Variants in ZNF496 observed in about 807,000 individuals in gnomAD.
ZNF496 encodes NSD1 (nuclear receptor binding SET-domain containing 1)-interacting zinc finger protein 1.
Under a neutral mutation model 58.9 loss-of-function variants are expected in ZNF496, and 11 were observed. The ratio of observed to expected loss-of-function variants is 0.19; its 90% CI spans 0.12 to 0.31. The LOEUF is 0.31. Ranked by LOEUF, ZNF496 falls within the 10% of genes least tolerant of loss-of-function variation. The pLI is 1.00. For synonymous variants in ZNF496, 338 were observed against 318.2 expected (o/e 1.06, Z -0.66); for missense variants, 660 against 783.0 (o/e 0.84, Z 1.88).
chr1:247,306,861 C>G (rs940610757), intron 9 of ZNF496, among the ~76,000 whole-genome samples: 1 of 152,180 alleles, frequency 6.6e-6, no homozygotes, highest in East Asian at 1.9e-4. Context: ...GGGCAAGTGA[C>G]TTCAGCTCTC....
At position 247,308,890 on chromosome 1, in the gene ZNF496, T is replaced by G; in HGVS notation, c.893-302A>C. The G allele has an allele frequency of 2.7e-6, 1 of 373,416 alleles. No individual in the cohort carries two copies. Among genetic ancestry groups the G allele is most frequent in the East Asian group, 6.4e-5 (1 of 15,646 alleles). The allele number at this position is 373,416 out of a possible 1,614,324, so 23.1% of individuals were successfully genotyped here. On this transcript the variant is annotated intron_variant, in intron 8 of 9. Coordinates refer to ENST00000682384, the MANE Select transcript of ZNF496 (RefSeq NM_032752.3). The surrounding 1 kb of genome is among the most constrained non-coding windows in gnomAD (Gnocchi z 4.5). ...CCCCAGCCCCATATTTATTCCCACT[T>G]TCTGTGGTGGGTTTTCTATAGTCAT...
rs144919261 is a variant in ZNF496 at position 247,313,740 on chromosome 1, A to T, written c.652-3284T>A. The T allele has an allele frequency of 2.0e-5, 3 of 152,262 alleles. No homozygotes were observed. The East Asian group carries it at 5.8e-4, about 29-fold the overall frequency. The allele number at this position is 152,262 out of a possible 1,614,324, so 9.4% of individuals were successfully genotyped here. A position where few individuals can be genotyped will look rare whatever the true frequency, so the allele number is the denominator to read the frequency against. ...AGCATTGATCTAATAAATACTGAAA[A>T]CCTTGACACACATCAAGAAGACAGC... is the stretch of plus-strand genomic sequence containing the variant. On this transcript the variant is annotated intron_variant, in intron 6 of 9. Transcript: ENST00000682384.
At position 247,310,360 on chromosome 1, in the gene ZNF496, T is replaced by C; in HGVS notation, c.748A>G (p.Ile250Val). The change falls in exon 7 of 10, where the codon ATC becomes GTC. Residue 250 changes from isoleucine to valine, a missense_variant. Physicochemically the swap from Ile to Val is conservative, Grantham distance 29 (BLOSUM62 3). Transcript: ENST00000682384. ...PAQTGFYGEF[I>V]IGEDYGVSMP... ...GAGACCCCGTAATCCTCCCCAATGA[T>C]GAACTCTCCATAGAAGCCAGTCTGG... The C allele has an allele frequency of 6.2e-7, 1 of 1,614,148 alleles. No individual in the cohort carries two copies. Among genetic ancestry groups the C allele is most frequent in the Non-Finnish European group, 8.5e-7 (1 of 1,180,014 alleles).
At position 247,302,439 on chromosome 1, in the gene ZNF496, G is replaced by A. The variant is rs187873995; in HGVS notation, c.1007-1163C>T. ...GTCTGCCAAGAACCCACGTAGTATAGGAGGGAAATCATCAGATGAAGACAG... is the reference window on the plus strand; with the variant it reads ...GTCTGCCAAGAACCCACGTAGTATAAGAGGGAAATCATCAGATGAAGACAG... On this transcript the variant is annotated intron_variant, in intron 9 of 9. Coordinates refer to ENST00000682384, the MANE Select transcript of ZNF496 (RefSeq NM_032752.3). Among the ~76,000 whole-genome samples, 11 of 151,866 alleles carry A rather than the reference G, an allele frequency of 7.2e-5. No individual in the cohort carries two copies. In the East Asian group the frequency reaches 2.1e-3, roughly 30 times the overall value.
At position 247,329,703 on chromosome 1, in the gene ZNF496, C is replaced by G. The variant is rs745618838; in HGVS notation, c.-37-88G>C. On this transcript the variant is annotated intron_variant, in intron 3 of 9. Transcript: ENST00000682384. This position sits in a 1 kb window ranked among gnomAD's most constrained non-coding sequence, Gnocchi z 5.5. ...CAGTGACAAGGAAACTGTCAATGCC[C>G]TCAGAGACCAGCCCTTTGGAGAAGC... The G allele has an allele frequency of 1.0e-5, 13 of 1,268,406 alleles. No individual in the cohort carries two copies. Among genetic ancestry groups the G allele is most frequent in the Non-Finnish European group, 1.4e-5 (13 of 928,426 alleles). The allele number at this position is 1,268,406 out of a possible 1,614,324, so 78.6% of individuals were successfully genotyped here.
chr1:247,318,533 A>G (rs1659858150), intron 6 of ZNF496, among the ~76,000 whole-genome samples: 1 of 152,258 alleles, frequency 6.6e-6, no homozygotes, highest in African/African-American at 2.4e-5. Flanking sequence ...AAGTTTTTGA[A>G]TGACAGCAGA....
chr1:247,301,267 T>C lies in ZNF496; in HGVS notation c.1016A>G (p.Asn339Ser). ...CAGGCTGTTCTCTAGAGATCGCGGG[T>C]TGCCGCCAGCTACAGGAAGGCAACA... The part of the protein sequence containing the change: ...VPQNTYPAGG[N>S]PRSLENSLDE... Residue 339 changes from asparagine (N) to serine (S), a missense_variant, in exon 10 of 10, where the codon AAC becomes AGC. By Grantham distance (46) the Asn-to-Ser change is conservative (BLOSUM62 1). Transcript: ENST00000682384. 6.6e-7 allele frequency: 1 copy of C among 1,511,162 alleles called. No homozygotes were observed. 93.6% of individuals were successfully genotyped at this position (1,511,162 alleles called of 1,614,324 possible).
At position 247,327,529 on chromosome 1, in the gene ZNF496, C is replaced by T. The variant is rs548239198; in HGVS notation, c.574+1154G>A. ...GAGAATACATTTCTGTTACATAAGG[C>T]ATCCAGTCTGTGGTACTTTGTTATG... On this transcript the variant is annotated intron_variant, in intron 5 of 9. Coordinates refer to ENST00000682384, the MANE Select transcript of ZNF496 (RefSeq NM_032752.3). Among the ~76,000 whole-genome samples the T allele has an allele frequency of 1.6e-3, 247 of 152,350 alleles. 1 individual carries two copies. The highest frequency in any genetic ancestry group is 3.1e-3 in the Non-Finnish European group (212 of 68,024).
chr1:247,310,278 T>C (rs778353531), intron 7 of ZNF496, 46 bp downstream of exon 7: 2 of 1,612,544 alleles, frequency 1.2e-6, no homozygotes, highest in Non-Finnish European at 8.5e-7. Context: ...AGAACTCCCC[T>C]GCCCAGTTCC....
chr1:247,314,171 T>C (rs1202320835), intron 6 of ZNF496, among the ~76,000 whole-genome samples: 2 of 152,154 alleles, frequency 1.3e-5, no homozygotes, highest in Non-Finnish European at 2.9e-5. Context: ...GCAATCCTCC[T>C]GCTCAGCCTC....
At chr1:247,315,187 G>A (rs1031478189) in intron 6 of ZNF496, among the ~76,000 whole-genome samples, 4 of 150,884 alleles carry the variant, frequency 2.7e-5, no homozygotes, top group Non-Finnish European at 4.4e-5. Context: ...ATAATTATGC[G>A]TCAATTGTAC....
At chr1:247,319,612 G>C (rs1056056335) in intron 6 of ZNF496, among the ~76,000 whole-genome samples, 8 of 152,276 alleles carry the variant, frequency 5.3e-5, no homozygotes, top group African/African-American at 1.7e-4. Flanking sequence ...GAGTAGATTA[G>C]AAAACATTAT....
chr1:247,309,460 C>T lies in ZNF496; in HGVS notation c.892+239G>A, dbSNP rs1659522921. ...TTACAGGCAGAGGAGAAAGACATTC[C>T]TATTATTTCCCAGTCCTTGGCCAAG... On this transcript the variant is annotated intron_variant, in intron 8 of 9. Coordinates refer to ENST00000682384, the MANE Select transcript of ZNF496 (RefSeq NM_032752.3). This position sits in a 1 kb window ranked among gnomAD's most constrained non-coding sequence, Gnocchi z 4.3. The T allele has an allele frequency of 7.3e-7, 1 of 1,365,092 alleles. No individual in the cohort carries two copies. The highest frequency in any genetic ancestry group is 9.4e-7 in the Non-Finnish European group (1 of 1,062,002). 84.6% of individuals were successfully genotyped at this position (1,365,092 alleles called of 1,614,324 possible).
At chr1:247,328,370 G>A (rs1018385910) in intron 5 of ZNF496, among the ~76,000 whole-genome samples, 6 of 152,200 alleles carry the variant, frequency 3.9e-5, no homozygotes, top group African/African-American at 1.2e-4. Context: ...GTCCCCAGCT[G>A]TCATCAAACT....
intron 6 of ZNF496, among the ~76,000 whole-genome samples, chr1:247,317,148 C>T (rs1659807208): frequency 6.6e-6 from 1 of 152,134 alleles, no homozygotes; most frequent in African/African-American, 2.4e-5. Flanking sequence ...CTGGACATTG[C>T]ATATAAAATG....
At position 247,311,835 on chromosome 1, in the gene ZNF496, C is replaced by T. The variant is rs531281587; in HGVS notation, c.652-1379G>A. 1.2e-4 allele frequency: 19 copies of T among 152,374 alleles called. No individual in the cohort carries two copies. In the East Asian group the frequency reaches 3.5e-3, roughly 28 times the overall value. The allele number at this position is 152,374 out of a possible 1,614,324, so 9.4% of individuals were successfully genotyped here. A position where few individuals can be genotyped will look rare whatever the true frequency, so the allele number is the denominator to read the frequency against. ...CTCTGTCTCTTTCAGAAGCCCAAGG[C>T]TCTCTTGGGCTGGAACTTCGCTGAT... On this transcript the variant is annotated intron_variant, in intron 6 of 9. Transcript: ENST00000682384.
rs201726347 is a variant in ZNF496 at position 247,300,802 on chromosome 1, A to G, written c.1481T>C (p.Val494Ala). The part of the protein sequence containing the change: ...IHLQPDRLQP[V>A]EKREQAASED... ...GGATGCCGCCTGCTCTCTCTTCTCC[A>G]CCGGCTGGAGTCTGTCCGGCTGCAG... Residue 494 changes from valine (V) to alanine (A), a missense_variant, in exon 10 of 10, where the codon GTG becomes GCG. Transcript: ENST00000682384. The surrounding 1 kb of genome is among the most constrained non-coding windows in gnomAD (Gnocchi z 5.7). The G allele has an allele frequency of 1.2e-5, 20 of 1,601,584 alleles. 1 individual carries two copies. The African/African-American group carries it at 1.9e-4, about 15-fold the overall frequency.
chr1:247,302,561 G>A (rs1310783360), intron 9 of ZNF496, among the ~76,000 whole-genome samples: 1 of 152,002 alleles, frequency 6.6e-6, no homozygotes, highest in Non-Finnish European at 1.5e-5. Flanking sequence ...GGGCTCAAGC[G>A]AGCCACCCAT....
chr1:247,316,135 G>GTGTGTGTGT (rs1553270763), intron 6 of ZNF496, among the ~76,000 whole-genome samples: 1 of 139,830 alleles, frequency 7.2e-6, no homozygotes, highest in African/African-American at 2.7e-5. Context: ...CTGGGAGAGG[G>GTGTGTGTGT]GTGTGTGTGT....
Sources: gnomAD v4.1 joint callset for allele counts (sites outside exome capture counted in the v4.1 genomes callset) on GRCh38, gnomAD v4.1.1 for gene constraint, Gnocchi (gnomAD v3.1) non-coding constraint, MANE v1.5 for transcripts, NCBI Gene and HGNC (gene_info 2026-07-23, HGNC 2026-07-21) for gene names.